SNTB1: variants seen among roughly 807,000 people sequenced by gnomAD.
SNTB1 encodes syntrophin beta 1.
Under a neutral mutation model 48.9 loss-of-function variants are expected in SNTB1, and 36 were observed. The observed-to-expected ratio is 0.74, with a 90% CI of 0.56 to 0.97. SNTB1 has a LOEUF of 0.97. Ranked by LOEUF, SNTB1 falls within the 50% of genes least tolerant of loss-of-function variation. The probability of loss-of-function intolerance (pLI) is 0.00; values close to 1 mark genes in which losing one functional copy is unlikely to be tolerated. For synonymous variants in SNTB1, 299 were observed against 294.6 expected (o/e 1.01, Z -0.15); for missense variants, 786 against 703.4 (o/e 1.12, Z -1.33).
At chr8:120,603,392 C>T (rs1025318371) in intron 3 of SNTB1, among the ~76,000 whole-genome samples, 4 of 152,178 alleles carry the variant, frequency 2.6e-5, no homozygotes, top group South Asian at 2.1e-4. Flanking sequence ...TGAGCCACCG[C>T]GCCCAGCTAC....
At chr8:120,795,070 T>G (rs1820099681) in intron 1 of SNTB1, among the ~76,000 whole-genome samples, 1 of 152,030 alleles carries the variant, frequency 6.6e-6, no homozygotes, top group South Asian at 2.1e-4. Context: ...ATGACAAATA[T>G]TTTTCATCAT....
At chr8:120,673,510 C>G (rs952734449) in intron 2 of SNTB1, among the ~76,000 whole-genome samples, 2 of 152,054 alleles carry the variant, frequency 1.3e-5, no homozygotes, top group African/African-American at 4.8e-5. Flanking sequence ...AGGCTGGTCT[C>G]AAGCTCCTGA....
At chr8:120,800,983 A>C (rs1450387055) in intron 1 of SNTB1, among the ~76,000 whole-genome samples, 1 of 152,082 alleles carries the variant, frequency 6.6e-6, no homozygotes, top group African/African-American at 2.4e-5. Context: ...TAATATTTGA[A>C]TATACATTTT....
rs751732617 is a variant in SNTB1, at chr8:120,632,491, T to G, written c.949A>C (p.Ile317Leu). ...TGCCTAATCTCTCGGCTCCCAGCAA[T>G]GCCTGTTTTCCCCAGCTGCTCTCTG... is the stretch of plus-strand genomic sequence containing the variant. ...EVREQLGKTGIAGSREIRHLG... is the reference protein window; with the variant it reads ...EVREQLGKTGLAGSREIRHLG... The change falls in exon 3 of 7, where the codon ATT becomes CTT. Residue 317 changes from isoleucine to leucine, a missense_variant. Ile to Leu is a conservative substitution (Grantham distance 5). Transcript: ENST00000517992. The G allele has an allele frequency of 4.3e-6, 7 of 1,614,144 alleles. No individual in the cohort carries two copies. The Admixed American group carries it at 1.2e-4, about 27-fold the overall frequency.
intron 1 of SNTB1, among the ~76,000 whole-genome samples, chr8:120,694,113 C>G (rs1430424965): frequency 6.6e-6 from 1 of 152,160 alleles, no homozygotes; most frequent in Non-Finnish European, 1.5e-5. Context: ...TTAGAACTTG[C>G]TGTTATGATG....
intron 1 of SNTB1, among the ~76,000 whole-genome samples, chr8:120,762,551 T>G (rs900734128): frequency 7.2e-5 from 11 of 152,218 alleles, no homozygotes; most frequent in Admixed American, 1.3e-4. Context: ...TCCTTGATTT[T>G]GCAATCCAGC....
intron 3 of SNTB1, among the ~76,000 whole-genome samples, chr8:120,608,951 A>C (rs1333832381): frequency 6.6e-6 from 1 of 152,240 alleles, no homozygotes; most frequent in Non-Finnish European, 1.5e-5. Flanking sequence ...GGAGTGTAAA[A>C]TAAGATGATA....
intron 3 of SNTB1, among the ~76,000 whole-genome samples, chr8:120,618,145 C>T (rs1462170444): frequency 6.6e-6 from 1 of 152,108 alleles, no homozygotes; most frequent in Non-Finnish European, 1.5e-5. Context: ...GCTTTCTTAA[C>T]CTCTTAGTCC....
At chr8:120,568,538 G>A (rs1231446808) in intron 4 of SNTB1, among the ~76,000 whole-genome samples, 1 of 152,220 alleles carries the variant, frequency 6.6e-6, no homozygotes, top group Non-Finnish European at 1.5e-5. Flanking sequence ...TGGCATTCCA[G>A]TGAGTGTTTC....
chr8:120,667,892 A>G (rs1295513338), intron 2 of SNTB1, among the ~76,000 whole-genome samples: 1 of 152,088 alleles, frequency 6.6e-6, no homozygotes, highest in African/African-American at 2.4e-5. Flanking sequence ...GCTCTACCCA[A>G]TGTCCCATGA....
intron 1 of SNTB1, among the ~76,000 whole-genome samples, chr8:120,742,890 AGGAACAAGTGAAACCAACAGTGATCTCTG>A (rs1299023961): frequency 6.6e-6 from 1 of 152,200 alleles, no homozygotes; most frequent in Non-Finnish European, 1.5e-5. Context: ...AGTGTTGGTG[AGGAACAAGTGAAACCAACAGTGATCTCTG>A]GGGACCAGCA....
rs138079706 is a variant in SNTB1 at position 120,584,118 on chromosome 8, C to T, written c.997-8893G>A. On this transcript the variant is annotated intron_variant, in intron 3 of 6. Coordinates refer to ENST00000517992, the MANE Select transcript of SNTB1 (RefSeq NM_021021.4). Reference sequence around the variant, plus strand: ...CACTTGAGGTCAAGACCAGCCTGGCCAACATGACAAAACGCTATCTCTACC... The same window carrying T: ...CACTTGAGGTCAAGACCAGCCTGGCTAACATGACAAAACGCTATCTCTACC... Among the ~76,000 whole-genome samples the T allele has an allele frequency of 8.7e-4, 132 of 152,174 alleles. 1 individual carries two copies. In the East Asian group the frequency reaches 0.024, roughly 27 times the overall value.
At position 120,541,843 on chromosome 8, in the gene SNTB1, C is replaced by G; in HGVS notation, c.1491G>C (p.Leu497=). ...KMSSDDGIRM[L]YLDFGGKDGE... is the part of the protein sequence containing the mutation. ...CATCTTTGCCTCCAAAATCTAAATA[C>G]AGCATCCTGATTCCATCATCTGAAG... Residue 497 remains leucine, a synonymous_variant, in exon 6 of 7, where the codon CTG becomes CTC. Coordinates refer to ENST00000517992, the MANE Select transcript of SNTB1 (RefSeq NM_021021.4). 6.2e-7 allele frequency: 1 copy of G among 1,613,504 alleles called. No homozygotes were observed. The highest frequency in any genetic ancestry group is 8.5e-7 in the Non-Finnish European group (1 of 1,179,770).
intron 4 of SNTB1, among the ~76,000 whole-genome samples, chr8:120,564,569 T>A (rs1023699810): frequency 7.3e-6 from 1 of 137,844 alleles, no homozygotes; most frequent in African/African-American, 2.6e-5. Flanking sequence ...TTCTGGTTTT[T>A]TTTTTTTTTT....
chr8:120,713,581 T>C (rs572268668), intron 1 of SNTB1, among the ~76,000 whole-genome samples: 11 of 152,160 alleles, frequency 7.2e-5, no homozygotes, highest in African/African-American at 1.4e-4. Flanking sequence ...AATACAAAAA[T>C]TAGCTGGGCA....
chr8:120,727,276 G>A (rs545209223), intron 1 of SNTB1, among the ~76,000 whole-genome samples: 5 of 152,214 alleles, frequency 3.3e-5, no homozygotes, highest in African/African-American at 1.2e-4. Context: ...TAATAACTCC[G>A]TTTCTCTTCT....
At chr8:120,561,210 C>G (rs1815650029) in intron 4 of SNTB1, among the ~76,000 whole-genome samples, 1 of 151,140 alleles carries the variant, frequency 6.6e-6, no homozygotes, top group Non-Finnish European at 1.5e-5. Context: ...GCCTGTAATC[C>G]CAACTACTTA....
intron 3 of SNTB1, among the ~76,000 whole-genome samples, chr8:120,601,517 CAA>C (rs1816422165): frequency 6.6e-6 from 1 of 152,100 alleles, no homozygotes; most frequent in South Asian, 2.1e-4. Context: ...TAAAAAAATT[CAA>C]AGACACAGTT....
intron 1 of SNTB1, among the ~76,000 whole-genome samples, chr8:120,722,788 T>G (rs1818685987): frequency 6.6e-6 from 1 of 152,186 alleles, no homozygotes; most frequent in Non-Finnish European, 1.5e-5. Context: ...TGCCATTGCT[T>G]TTGGTGTTTT....
Sources: allele counts gnomAD v4.1 joint callset (sites outside exome capture counted in the v4.1 genomes callset), GRCh38; gene constraint gnomAD v4.1.1; transcripts MANE v1.5; gene names NCBI Gene and HGNC (gene_info 2026-07-23, HGNC 2026-07-21).